The following AXDND1 variants were observed in gnomAD, a reference collection of about 807,000 sequenced individuals.
AXDND1 encodes axonemal dynein light chain domain containing 1.
In AXDND1, 110 loss-of-function variants were observed where a neutral mutation model predicts 137.5. The observed-to-expected ratio is 0.80, with a 90% CI of 0.69 to 0.94. The LOEUF (loss-of-function observed/expected upper bound fraction) is 0.94. Among genes scored for constraint, AXDND1 ranks in the 40% least tolerant of loss-of-function variants. AXDND1 has a pLI of 0.00. For missense variants in AXDND1, 1,191 were observed against 1,169.8 expected (o/e 1.02, Z -0.26); for synonymous variants, 414 against 399.7 (o/e 1.04, Z -0.43).
intron 6 of AXDND1, among the ~76,000 whole-genome samples, chr1:179,380,463 A>G (rs1648075664): frequency 6.6e-6 from 1 of 152,232 alleles, no homozygotes; most frequent in African/African-American, 2.4e-5. Context: ...AAAGGAAAGT[A>G]GCCCTCTGAG....
intron 12 of AXDND1, among the ~76,000 whole-genome samples, chr1:179,418,675 CA>C (rs369210748): frequency 0.2 from 30,124 of 148,770 alleles, 3,521 homozygotes; most frequent in Non-Finnish European, 0.24. Flanking sequence ...GGGCCGACAC[CA>C]CCACCTCCCT....
At chr1:179,456,376 A>T (rs1661408767) in intron 16 of AXDND1, 1 of 783,540 alleles carries the variant, frequency 1.3e-6, no homozygotes, top group Non-Finnish European at 2.3e-6. Context: ...AAATTTGAAG[A>T]CTGATTGTTG....
rs1647833347 is a variant in AXDND1 at position 179,379,440 on chromosome 1, T to C, written c.539T>C (p.Ile180Thr). 1 of 1,613,818 alleles carries C rather than the reference T, an allele frequency of 6.2e-7. No homozygotes were observed. Among genetic ancestry groups the C allele is most frequent in the South Asian group, 1.1e-5 (1 of 91,072 alleles). ...ACTTTGATTCCTGAAGAATTTCATA[T>C]TGTGTCAAGTACAGGAGTTTCAGGT... ...TDTLIPEEFH[I>T]VSSTGVSGLE... The change falls in exon 6 of 26, where the codon ATT becomes ACT. Residue 180 changes from isoleucine to threonine, a missense_variant. By Grantham distance (89) the Ile-to-Thr change is moderately conservative (BLOSUM62 -1). Coordinates refer to ENST00000367618, the MANE Select transcript of AXDND1 (RefSeq NM_144696.6).
chr1:179,407,675 G>T (rs1317830862), intron 11 of AXDND1, among the ~76,000 whole-genome samples: 2 of 152,072 alleles, frequency 1.3e-5, no homozygotes, highest in Non-Finnish European at 2.9e-5. Context: ...CTTTGTCTCT[G>T]ACTTCTGACA....
At chr1:179,401,156 G>T (rs1013206233) in intron 11 of AXDND1, among the ~76,000 whole-genome samples, 6 of 150,888 alleles carry the variant, frequency 4.0e-5, no homozygotes, top group African/African-American at 1.5e-4. Context: ...TACTTGGGAG[G>T]CTGAGGCAGG....
chr1:179,392,123 C>T (rs931629413), intron 9 of AXDND1, among the ~76,000 whole-genome samples: 1 of 152,184 alleles, frequency 6.6e-6, no homozygotes, highest in African/African-American at 2.4e-5. Context: ...ATTCCTCACC[C>T]CCATCCTAAT....
intron 25 of AXDND1, among the ~76,000 whole-genome samples, chr1:179,535,509 T>C (rs1671461313): frequency 6.6e-6 from 1 of 152,196 alleles, no homozygotes; most frequent in East Asian, 1.9e-4. Context: ...TTGCTGATAA[T>C]GATGGTTTCC....
At chr1:179,437,676 A>AGACAGAG (rs71114504) in intron 15 of AXDND1, among the ~76,000 whole-genome samples, 44,080 of 151,696 alleles carry the variant, frequency 0.29, 6,551 homozygotes, top group Non-Finnish European at 0.31. Flanking sequence ...TATGAACAGA[A>AGACAGAG]GACAGAGACA....
chr1:179,366,709 T>G, intron 2 of AXDND1, 103 bp downstream of exon 2: 1 of 939,898 alleles, frequency 1.1e-6, no homozygotes, highest in East Asian at 2.6e-5. Flanking sequence ...ATACCTTGAT[T>G]GGCTACATTT....
At chr1:179,456,822 T>C (rs916981739) in intron 16 of AXDND1, 4 of 793,596 alleles carry the variant, frequency 5.0e-6, no homozygotes, top group Non-Finnish European at 9.0e-6. Context: ...TTCACAGTTG[T>C]GGCCATTCAC....
chr1:179,483,319 G>A, intron 18 of AXDND1, 98 bp downstream of exon 18: 3 of 685,186 alleles, frequency 4.4e-6, no homozygotes, highest in South Asian at 4.8e-5. Context: ...GAAGCAGGAG[G>A]TTGAGAGGGC....
At position 179,378,609 on chromosome 1, in the gene AXDND1, T is replaced by C. The variant is rs1051587373; in HGVS notation, c.375-28T>C. 5 of 1,533,028 alleles carry C rather than the reference T, an allele frequency of 3.3e-6. No homozygotes were observed. The African/African-American group carries it at 6.8e-5, about 21-fold the overall frequency. 95.0% of individuals were successfully genotyped at this position (1,533,028 alleles called of 1,614,324 possible). On this transcript the variant is annotated intron_variant, in intron 4 of 25. Transcript: ENST00000367618. ...GTGGTATCCAGATAGAAAATTTGTTTTGTAAATATATTTTTCTTACTTTTT... is the reference window on the plus strand; with the variant it reads ...GTGGTATCCAGATAGAAAATTTGTTCTGTAAATATATTTTTCTTACTTTTT...
Position 179,445,197 on chromosome 1 carries a change from G to T in AXDND1, c.1791G>T (p.Gly597=). ...LYKEYEIRIN[G]DNGYSKILPS... ...AAGAATATGAAATAAGAATAAATGG[G>T]GACAATGGTAAGAAAATACTCATAA... is the stretch of plus-strand genomic sequence containing the variant. Residue 597 remains glycine, a synonymous_variant, in exon 16 of 26, where the codon GGG becomes GGT. Coordinates refer to ENST00000367618, the MANE Select transcript of AXDND1 (RefSeq NM_144696.6). 1.3e-6 allele frequency: 2 copies of T among 1,532,938 alleles called. No homozygotes were observed. The highest frequency in any genetic ancestry group is 8.9e-7 in the Non-Finnish European group (1 of 1,128,624). The allele number at this position is 1,532,938 out of a possible 1,614,324, so 95.0% of individuals were successfully genotyped here.
At chr1:179,461,885 A>T (rs1185345886) in intron 16 of AXDND1, among the ~76,000 whole-genome samples, 1 of 152,136 alleles carries the variant, frequency 6.6e-6, no homozygotes, top group African/African-American at 2.4e-5. Flanking sequence ...TGATTTTTGC[A>T]CATTGATTTT....
At chr1:179,530,919 A>G (rs1670982184) in intron 23 of AXDND1, among the ~76,000 whole-genome samples, 1 of 152,208 alleles carries the variant, frequency 6.6e-6, no homozygotes, top group African/African-American at 2.4e-5. Context: ...CTGGGACCAC[A>G]GCATTGCAGT....
chr1:179,456,327 G>T, intron 16 of AXDND1: 3 of 757,540 alleles, frequency 4.0e-6, no homozygotes, highest in Non-Finnish European at 7.2e-6. Context: ...ACAGGGGACA[G>T]AACTTCTGCC....
At chr1:179,419,021 C>A (rs563800201) in intron 12 of AXDND1, among the ~76,000 whole-genome samples, 91 of 151,572 alleles carry the variant, frequency 6.0e-4, no homozygotes, top group African/African-American at 2.2e-3. Flanking sequence ...AGACGATGGG[C>A]GGCCGGACAG....
chr1:179,547,213 A>G (rs1672730972), intron 25 of AXDND1, among the ~76,000 whole-genome samples: 1 of 152,248 alleles, frequency 6.6e-6, no homozygotes, highest in African/African-American at 2.4e-5. Context: ...TAGGCCCTGC[A>G]TACCTGCAAA....
At chr1:179,394,942 C>T (rs1166851304) in intron 10 of AXDND1, among the ~76,000 whole-genome samples, 156 bp from the exon 11 acceptor site, 1 of 152,128 alleles carries the variant, frequency 6.6e-6, no homozygotes, top group Non-Finnish European at 1.5e-5. Flanking sequence ...CTAGAATGTA[C>T]ACTCAATTTC....
Sources: gnomAD v4.1 joint callset for allele counts (sites outside exome capture counted in the v4.1 genomes callset) on GRCh38, gnomAD v4.1.1 for gene constraint, MANE v1.5 for transcripts, NCBI Gene and HGNC (gene_info 2026-07-23, HGNC 2026-07-21) for gene names.